Variants in PLD5 observed in about 807,000 individuals in gnomAD.
PLD5 encodes inactive phospholipase D5.
Under a neutral mutation model 61.1 loss-of-function variants are expected in PLD5, and 36 were observed. That is an observed-to-expected ratio of 0.59 (90% CI 0.45 to 0.78). The LOEUF is 0.78. Among genes scored for constraint, PLD5 ranks in the 30% least tolerant of loss-of-function variants. PLD5 has a pLI of 0.00. For missense variants in PLD5, 515 were observed against 644.4 expected, an observed-to-expected ratio of 0.80 and a Z score of 2.17; for synonymous variants, 243 against 242.8, an observed-to-expected ratio of 1.00 and a Z score of -0.01.
intron 2 of PLD5, among the ~76,000 whole-genome samples, chr1:242,288,822 T>C (rs1021718431): frequency 6.6e-6 from 1 of 152,172 alleles, no homozygotes; most frequent in African/African-American, 2.4e-5. Flanking sequence ...GAAAAAAAAT[T>C]GTGAGCTTCC....
intron 5 of PLD5, among the ~76,000 whole-genome samples, chr1:242,185,958 G>GAAAT (rs1667850309): frequency 6.6e-6 from 1 of 151,984 alleles, no homozygotes. Context: ...TGATTACCCA[G>GAAAT]AAATAGGTGC....
intron 1 of PLD5, among the ~76,000 whole-genome samples, chr1:242,430,409 T>A (rs1399065843): frequency 6.6e-6 from 1 of 152,016 alleles, no homozygotes. Context: ...AGAGCACTAA[T>A]CCCATCTTGG....
chr1:242,408,211 G>C (rs1664351388), intron 1 of PLD5, among the ~76,000 whole-genome samples: 1 of 152,180 alleles, frequency 6.6e-6, no homozygotes, highest in African/African-American at 2.4e-5. Flanking sequence ...TAGTGGACTT[G>C]TCCTTGGACA....
intron 1 of PLD5, among the ~76,000 whole-genome samples, chr1:242,403,071 C>T (rs1257978711): frequency 1.3e-5 from 2 of 152,198 alleles, no homozygotes; most frequent in Admixed American, 6.5e-5. Context: ...AAACAGAAAA[C>T]ATGTGGAGGT....
At chr1:242,097,522 G>A (rs1352483965) in intron 9 of PLD5, among the ~76,000 whole-genome samples, 2 of 152,174 alleles carry the variant, frequency 1.3e-5, no homozygotes, top group South Asian at 2.1e-4. Context: ...ATTTTTTCAT[G>A]TGTCTTTTGG....
At chr1:242,315,779 T>C (rs1676971564) in intron 2 of PLD5, among the ~76,000 whole-genome samples, 1 of 152,224 alleles carries the variant, frequency 6.6e-6, no homozygotes, top group African/African-American at 2.4e-5. Flanking sequence ...AATTTTTTGA[T>C]GCTCTCTGCT....
chr1:242,430,321 G>A (rs950327190), intron 1 of PLD5, among the ~76,000 whole-genome samples: 4 of 152,160 alleles, frequency 2.6e-5, no homozygotes, highest in African/African-American at 9.7e-5. Context: ...GGCTTGCAAA[G>A]GGCCACCTTC....
chr1:242,419,395 T>G lies in PLD5; in HGVS notation c.190-71153A>C, dbSNP rs1257631217. Among the ~76,000 whole-genome samples, 4 of 150,316 alleles carry G rather than the reference T, an allele frequency of 2.7e-5. No individual in the cohort carries two copies. In the East Asian group the frequency reaches 7.8e-4, roughly 29 times the overall value. On this transcript the variant is annotated intron_variant, in intron 1 of 9. Transcript: ENST00000536534. ...TGCAGTCCTGATTTTTGTTTTTTTT[T>G]TTTTTTTTTTGGCGGGGGGAGACAG... is the stretch of plus-strand genomic sequence containing the variant.
chr1:242,325,302 T>G (rs1306049883), intron 2 of PLD5, among the ~76,000 whole-genome samples: 10 of 151,486 alleles, frequency 6.6e-5, no homozygotes, highest in Non-Finnish European at 1.3e-4. Flanking sequence ...AGCAGGGATC[T>G]AAATGATGGT....
intron 4 of PLD5, among the ~76,000 whole-genome samples, chr1:242,248,847 G>T (rs1298038625): frequency 6.6e-6 from 1 of 152,086 alleles, no homozygotes; most frequent in African/African-American, 2.4e-5. Flanking sequence ...CAAAATTCAG[G>T]TGTTAAAACT....
intron 4 of PLD5, among the ~76,000 whole-genome samples, chr1:242,245,261 T>A (rs1375539192): frequency 6.6e-6 from 1 of 152,220 alleles, no homozygotes; most frequent in Non-Finnish European, 1.5e-5. Context: ...TGCTACTCTT[T>A]CAATAATGCC....
At chr1:242,427,617 G>A (rs773532257) in intron 1 of PLD5, among the ~76,000 whole-genome samples, 26 of 152,144 alleles carry the variant, frequency 1.7e-4, no homozygotes, top group East Asian at 3.8e-4. Context: ...CAGAAACTCC[G>A]CCATCCCATA....
intron 1 of PLD5, among the ~76,000 whole-genome samples, chr1:242,487,777 C>A (rs899510447): frequency 6.6e-6 from 1 of 151,820 alleles, no homozygotes; most frequent in Non-Finnish European, 1.5e-5. Context: ...CATAAAAGCA[C>A]ATTAGAAGAT....
At chr1:242,402,639 C>T (rs1045038205) in intron 1 of PLD5, among the ~76,000 whole-genome samples, 11 of 152,176 alleles carry the variant, frequency 7.2e-5, no homozygotes, top group Non-Finnish European at 1.3e-4. Context: ...ATGAAAGCTA[C>T]ACCTTCATTT....
chr1:242,085,116 A>G lies in PLD5; in HGVS notation c.*4738T>C, dbSNP rs1419978818. 6.6e-6 allele frequency: 1 copy of G among 152,218 alleles called. No homozygotes were observed. Among genetic ancestry groups the G allele is most frequent in the Non-Finnish European group, 1.5e-5 (1 of 68,036 alleles). The allele number at this position is 152,218 out of a possible 1,614,324, so 9.4% of individuals were successfully genotyped here. On this transcript the variant is annotated 3_prime_UTR_variant, in exon 10 of 10. Coordinates refer to ENST00000536534, the MANE Select transcript of PLD5 (RefSeq NM_001372062.1). ...GTTAATAATATAGATATGTCCAGGT[A>G]CAAGTTTATCCTATTTACATAAAGG...
At chr1:242,127,198 G>T (rs147045659) in intron 5 of PLD5, among the ~76,000 whole-genome samples, 2 of 152,210 alleles carry the variant, frequency 1.3e-5, no homozygotes, top group East Asian at 3.9e-4. Context: ...CTTCTACACC[G>T]CTGGAGGGAA....
intron 3 of PLD5, among the ~76,000 whole-genome samples, chr1:242,277,184 A>G (rs1674461922): frequency 6.6e-6 from 1 of 152,196 alleles, no homozygotes; most frequent in Admixed American, 6.5e-5. Context: ...ACAGCCTGGC[A>G]TCATTCCTTT....
chr1:242,103,220 C>G (rs1023899097), intron 8 of PLD5, among the ~76,000 whole-genome samples: 4 of 152,154 alleles, frequency 2.6e-5, no homozygotes, highest in Non-Finnish European at 5.9e-5. Flanking sequence ...GAGTGCATGA[C>G]TTCACTGGGC....
intron 4 of PLD5, among the ~76,000 whole-genome samples, chr1:242,234,287 G>T (rs752428441): frequency 6.6e-6 from 1 of 152,088 alleles, no homozygotes; most frequent in Non-Finnish European, 1.5e-5. Flanking sequence ...ACCGTGCATT[G>T]AATGCCTCTA....
Sources: allele counts gnomAD v4.1 joint callset (sites outside exome capture counted in the v4.1 genomes callset), GRCh38; gene constraint gnomAD v4.1.1; transcripts MANE v1.5; gene names NCBI Gene and HGNC (gene_info 2026-07-23, HGNC 2026-07-21).